PLXND1: variants seen among roughly 807,000 people sequenced by gnomAD.
PLXND1 encodes plexin-D1.
PLXND1 carries 54 observed loss-of-function variants against 197.7 expected under a neutral mutation model. The observed-to-expected ratio is 0.27, with a 90% CI of 0.22 to 0.34. The LOEUF is 0.34. PLXND1 is among the 10% of genes least tolerant of loss of function. The probability of loss-of-function intolerance (pLI) is 1.00; values close to 1 mark genes in which losing one functional copy is unlikely to be tolerated. For missense variants in PLXND1, 2,127 were observed against 2,699.2 expected, an observed-to-expected ratio of 0.79 and a Z score of 4.70; for synonymous variants, 1,180 against 1,161.2, an observed-to-expected ratio of 1.02 and a Z score of -0.33.
intron 10 of PLXND1, 42 bp downstream of exon 10, chr3:129,575,724 C>T (rs769344576): frequency 9.0e-6 from 13 of 1,443,326 alleles, no homozygotes; most frequent in South Asian, 3.5e-5. Flanking sequence ...CTGGACTTAA[C>T]GCAGGCCCGC....
Position 129,556,651 on chromosome 3 carries a change from T to C in PLXND1, c.5627A>G (p.Glu1876Gly), listed in dbSNP as rs1411303642. ...ATACCTCTTGGCGTACTTATAAATC[T>C]CTGCCATGGCCACATTGGTGTTGAA... Reference protein sequence around the residue: ...NEFNTNVAMAEIYKYAKRYRP... With the variant: ...NEFNTNVAMAGIYKYAKRYRP... Residue 1876 changes from glutamate (E) to glycine (G), a missense_variant, in exon 35 of 36, where the codon GAG becomes GGG. By Grantham distance (98) the Glu-to-Gly change is moderately conservative. This residue lies in a region of PLXND1 where 200 missense variants were observed against 303.3 expected (regional missense o/e 0.66). Coordinates refer to ENST00000324093, the MANE Select transcript of PLXND1 (RefSeq NM_015103.3). 6.8e-6 allele frequency: 11 copies of C among 1,613,526 alleles called. No individual in the cohort carries two copies. Among genetic ancestry groups the C allele is most frequent in the Non-Finnish European group, 9.3e-6 (11 of 1,179,668 alleles).
chr3:129,556,813 G>A (rs982856381), intron 34 of PLXND1, 122 bp from the exon 35 acceptor site: 26 of 771,682 alleles, frequency 3.4e-5, no homozygotes, highest in Non-Finnish European at 5.2e-5. Flanking sequence ...ACAGTTCAGC[G>A]ATGAGGCCCC....
At chr3:129,569,073 C>T (rs1228574416) in intron 20 of PLXND1, 2 of 152,184 alleles carry the variant, frequency 1.3e-5, no homozygotes, top group Non-Finnish European at 2.9e-5. Flanking sequence ...GGTGAGTCTT[C>T]TTTTGGTTAG....
rs772173857 is a variant in PLXND1, at chr3:129,574,367, G to A, written c.2654C>T (p.Ala885Val). 20 of 1,609,372 alleles carry A rather than the reference G, an allele frequency of 1.2e-5. No homozygotes were observed. The highest frequency in any genetic ancestry group is 5.0e-5 in the Admixed American group (3 of 59,620). Residue 885 changes from alanine (A) to valine (V), a missense_variant, in exon 12 of 36, where the codon GCT (alanine) becomes GTT (valine). Ala to Val is a moderately conservative substitution (Grantham distance 64, BLOSUM62 0). Around this residue, in one of 6 missense-constraint regions of PLXND1, gnomAD observed 1,095 missense variants for 1,259.8 expected, o/e 0.87. Transcript: ENST00000324093. ...CRLRGPLQPM[A>V]GTCPAPEIHA... ...GATCTCGGGGGCGGGGCAGGTGCCA[G>A]CCATGGGCTGCAGAGGCCCCCGCAG... is the stretch of plus-strand genomic sequence containing the variant.
In PLXND1 at chr3:129,589,368, T is replaced by G. The variant is rs1342077112; in HGVS notation, c.1471A>C (p.Asn491His). The G allele has an allele frequency of 7.2e-7, 1 of 1,390,250 alleles. No homozygotes were observed. Among genetic ancestry groups the G allele is most frequent in the Non-Finnish European group, 9.6e-7 (1 of 1,039,412 alleles). The allele number at this position is 1,390,250 out of a possible 1,614,324, so 86.1% of individuals were successfully genotyped here. Residue 491 changes from asparagine (N) to histidine (H), a missense_variant, in exon 2 of 36, where the codon AAC (asparagine) becomes CAC (histidine). By Grantham distance (68) the Asn-to-His change is moderately conservative. Transcript: ENST00000324093. ...ATACCTACCTTGAGAAGCCTCCCGT[T>G]GACCGTGCCCAGGAAGACCGCTGTG... ...NYTAVFLGTV[N>H]GRLLKINLNE...
At chr3:129,561,192 G>A in intron 29 of PLXND1, 1 of 460,328 alleles carries the variant, frequency 2.2e-6, no homozygotes, top group Non-Finnish European at 4.3e-6. Flanking sequence ...AGATTCCCAG[G>A]CTGCTGGGAG....
intron 8 of PLXND1, among the ~76,000 whole-genome samples, chr3:129,581,552 G>A (rs2085388170): frequency 1.3e-5 from 2 of 152,216 alleles, no homozygotes; most frequent in Admixed American, 1.3e-4. Flanking sequence ...GTGCATGGTG[G>A]CTTTGTAGTG....
intron 1 of PLXND1, among the ~76,000 whole-genome samples, chr3:129,593,395 T>C (rs571155806): frequency 6.6e-6 from 1 of 152,370 alleles, no homozygotes; most frequent in South Asian, 2.1e-4. Flanking sequence ...CCCATGCCTC[T>C]GAGGCATTCG....
chr3:129,605,466 G>C lies in PLXND1; in HGVS notation c.1174C>G (p.Arg392Gly). ...RAAPAALCAF[R>G]FADVRAAIRA... ...ATGGCGGCTCGCACGTCGGCGAAGC[G>C]GAAGGCGCAGAGTGCGGCCGGAGCA... Residue 392 changes from arginine (R) to glycine (G), a missense_variant, in exon 1 of 36, where the codon CGC (arginine) becomes GGC (glycine). By Grantham distance (125) the Arg-to-Gly change is moderately radical. Around this residue, in one of 6 missense-constraint regions of PLXND1, gnomAD observed 1,095 missense variants for 1,259.8 expected, o/e 0.87. Transcript: ENST00000324093. 6.7e-7 allele frequency: 1 copy of C among 1,501,354 alleles called. No homozygotes were observed. Among genetic ancestry groups the C allele is most frequent in the Non-Finnish European group, 8.8e-7 (1 of 1,132,236 alleles). The allele number at this position is 1,501,354 out of a possible 1,614,324, so 93.0% of individuals were successfully genotyped here.
intron 9 of PLXND1, among the ~76,000 whole-genome samples, chr3:129,576,398 C>T (rs2085314915): frequency 1.3e-5 from 2 of 152,214 alleles, no homozygotes; most frequent in Admixed American, 1.3e-4. Flanking sequence ...AGATGCTGCC[C>T]TCAAATCAAA....
chr3:129,576,271 C>A (rs556524210), intron 9 of PLXND1, among the ~76,000 whole-genome samples: 1 of 152,228 alleles, frequency 6.6e-6, no homozygotes, highest in Non-Finnish European at 1.5e-5. Flanking sequence ...TCTCCTGCCC[C>A]GGCCTTTGCC....
intron 1 of PLXND1, among the ~76,000 whole-genome samples, chr3:129,597,254 C>G (rs1445928716): frequency 2.6e-5 from 4 of 152,118 alleles, no homozygotes; most frequent in Non-Finnish European, 5.9e-5. Context: ...CCTCCCCACC[C>G]GCCGCTCTGC....
intron 13 of PLXND1, 76 bp from the exon 14 acceptor site, chr3:129,573,017 C>T: frequency 1.1e-6 from 1 of 923,024 alleles, no homozygotes; most frequent in Non-Finnish European, 1.7e-6. Flanking sequence ...AGGGATCGCC[C>T]CATTCCACGC....
At position 129,598,960 on chromosome 3, in the gene PLXND1, C is replaced by T. The variant is rs535871522; in HGVS notation, c.1311+6369G>A. 5.9e-5 allele frequency among the ~76,000 whole-genome samples: 9 copies of T among 152,316 alleles called. No homozygotes were observed. The East Asian group carries it at 1.7e-3, about 29-fold the overall frequency. ...TAAAGTGCTCTGCAAAGGGCTAACA[C>T]AGAGAAAGTTCTCAAGCAACAACCA... On this transcript the variant is annotated intron_variant, in intron 1 of 35. Transcript: ENST00000324093.
At position 129,555,983 on chromosome 3, in the gene PLXND1, G is replaced by A. The variant is rs2084967031; in HGVS notation, c.*329C>T. The A allele has an allele frequency of 2.9e-5, 9 of 309,684 alleles. No homozygotes were observed. The South Asian group carries it at 3.8e-4, about 13-fold the overall frequency. 19.2% of individuals were successfully genotyped at this position (309,684 alleles called of 1,614,324 possible). On this transcript the variant is annotated 3_prime_UTR_variant, in exon 36 of 36. Transcript: ENST00000324093. ...TTTGTGCTTGGCCGCCTGGATGCAC[G>A]GGGCTCTTGGCAGCAGGACCAACTG...
chr3:129,605,389 C>G lies in PLXND1; in HGVS notation c.1251G>C (p.Ala417=), dbSNP rs1271356025. The part of the protein sequence containing the change: ...CFVEPAPDVV[A]VLDSVVQGTG... ...TGCCCTGCACCACGCTGTCGAGCAC[C>G]GCCACCACGTCGGGCGCCGGTTCCA... is the stretch of plus-strand genomic sequence containing the variant. Residue 417 remains alanine (A), a synonymous_variant, in exon 1 of 36, where the codon GCG becomes GCC. Coordinates refer to ENST00000324093, the MANE Select transcript of PLXND1 (RefSeq NM_015103.3). 8.7e-6 allele frequency: 13 copies of G among 1,502,144 alleles called. No individual in the cohort carries two copies. The South Asian group carries it at 1.1e-4, about 13-fold the overall frequency. The allele number at this position is 1,502,144 out of a possible 1,614,324, so 93.1% of individuals were successfully genotyped here. A position where few individuals can be genotyped will look rare whatever the true frequency, so the allele number is the denominator to read the frequency against.
At position 129,571,845 on chromosome 3, in the gene PLXND1, C is replaced by CT; in HGVS notation, c.3078-2dup. On this transcript the variant is annotated splice_acceptor_variant, in intron 15 of 35. Transcript: ENST00000324093. LOFTEE classifies it high-confidence loss of function. ...GCAGGCGATGCTGGTATCTGTGCGC[C>CT]TGGGGGGAGCAGCAGGTTATCAGCA... The CT allele has an allele frequency of 6.2e-7, 1 of 1,607,522 alleles. No homozygotes were observed. The highest frequency in any genetic ancestry group is 8.5e-7 in the Non-Finnish European group (1 of 1,177,288).
Position 129,558,699 on chromosome 3 carries a change from T to C in PLXND1, c.5298-124A>G, listed in dbSNP as rs2108762002. 1 of 965,060 alleles carries C rather than the reference T, an allele frequency of 1.0e-6. No homozygotes were observed. Among genetic ancestry groups the C allele is most frequent in the African/African-American group, 1.6e-5 (1 of 61,508 alleles). 59.8% of individuals were successfully genotyped at this position (965,060 alleles called of 1,614,324 possible). On this transcript the variant is annotated intron_variant, in intron 32 of 35. Coordinates refer to ENST00000324093, the MANE Select transcript of PLXND1 (RefSeq NM_015103.3). The surrounding 1 kb of genome is among the most constrained non-coding windows in gnomAD (Gnocchi z 4.1). Reference sequence around the variant, plus strand: ...CTGAGGTTGGAGCCTTGTCACAAGATGTGACCTTTGGGAACCTTAGTTTGC... The same window carrying C: ...CTGAGGTTGGAGCCTTGTCACAAGACGTGACCTTTGGGAACCTTAGTTTGC...
chr3:129,560,317 A>T lies in PLXND1; in HGVS notation c.5133+13T>A, dbSNP rs754014364. ...TACCCACTGCACAGAGGGGAGACTG[A>T]GGCCGGACTCACCTTGGTGGAGAGC... On this transcript the variant is annotated intron_variant, in intron 31 of 35. Transcript: ENST00000324093. The T allele has an allele frequency of 1.9e-6, 3 of 1,550,044 alleles. No individual in the cohort carries two copies. The East Asian group carries it at 6.7e-5, about 35-fold the overall frequency.
Sources: gnomAD v4.1 joint callset for allele counts (sites outside exome capture counted in the v4.1 genomes callset) on GRCh38, gnomAD v4.1.1 for gene constraint, gnomAD v4.1.1 regional missense constraint, Gnocchi (gnomAD v3.1) non-coding constraint, MANE v1.5 for transcripts, NCBI Gene and HGNC (gene_info 2026-07-23, HGNC 2026-07-21) for gene names.